Variants in CCDC12 observed in about 807,000 individuals in gnomAD.
CCDC12 encodes coiled-coil domain containing 12, also known as coiled-coil domain-containing protein 12.
CCDC12 carries 28 observed loss-of-function variants against 25.7 expected under a neutral mutation model. That is an observed-to-expected ratio of 1.09 (90% CI 0.81 to 1.50). The LOEUF is 1.50. CCDC12 is among the 40% of genes most tolerant of loss of function. The pLI is 0.00. For synonymous variants in CCDC12, 75 were observed against 87.7 expected (o/e 0.86, Z 0.81); for missense variants, 198 against 210.0 (o/e 0.94, Z 0.35).
chr3:46,968,955 C>T (rs535910303), intron 1 of CCDC12, among the ~76,000 whole-genome samples: 14 of 152,336 alleles, frequency 9.2e-5, no homozygotes, highest in African/African-American at 3.4e-4. Flanking sequence ...ACAACTGCCA[C>T]GCAAATGTTA....
At chr3:46,963,443 CTCCCTCTCCCTCTCCCACGGTT>C (rs1477269937) in intron 1 of CCDC12, among the ~76,000 whole-genome samples, 3 of 17,058 alleles carry the variant, frequency 1.8e-4, no homozygotes, top group Non-Finnish European at 4.9e-4. Context: ...TCCTCACGGT[CTCCCTCTCCCTCTCCCACGGTT>C]TCCCTCTCCC....
intron 1 of CCDC12, among the ~76,000 whole-genome samples, chr3:46,968,158 C>T (rs1440887489): frequency 6.6e-6 from 1 of 152,194 alleles, no homozygotes; most frequent in Admixed American, 6.5e-5. Context: ...GCCTCCACAA[C>T]CTTGGAGTCT....
At chr3:46,927,965 T>C (rs1273983751) in intron 2 of CCDC12, among the ~76,000 whole-genome samples, 6 of 152,190 alleles carry the variant, frequency 3.9e-5, no homozygotes, top group Non-Finnish European at 8.8e-5. Context: ...GGGGTTCAGC[T>C]TGGGGACCTG....
At chr3:46,922,490 C>T in intron 5 of CCDC12, 178 bp from the exon 6 acceptor site, 1 of 650,218 alleles carries the variant, frequency 1.5e-6, no homozygotes, top group Non-Finnish European at 2.7e-6. Context: ...CAGCATAAAC[C>T]ATCATTCCCT....
At chr3:46,978,962 G>T (rs1196962163), upstream of CCDC12, among the ~76,000 whole-genome samples, 2 of 152,142 alleles carry the variant, frequency 1.3e-5, no homozygotes. Context: ...CAGCCTGGGC[G>T]ACAGAGTGAG....
At chr3:46,926,132 G>A (rs1478030592) in intron 2 of CCDC12, among the ~76,000 whole-genome samples, 1 of 152,232 alleles carries the variant, frequency 6.6e-6, no homozygotes, top group Non-Finnish European at 1.5e-5. Context: ...GCAGTGAGGA[G>A]TGACATGTGG....
intron 1 of CCDC12, among the ~76,000 whole-genome samples, chr3:46,970,408 T>G (rs1380322016): frequency 6.6e-6 from 1 of 152,184 alleles, no homozygotes; most frequent in African/African-American, 2.4e-5. Flanking sequence ...ATAACAGGCA[T>G]GAGCCACTGT....
chr3:46,922,323 G>A lies in CCDC12; in HGVS notation c.342-11C>T, dbSNP rs1001983735. The A allele has an allele frequency of 6.2e-7, 1 of 1,614,202 alleles. No homozygotes were observed. The highest frequency in any genetic ancestry group is 8.5e-7 in the Non-Finnish European group (1 of 1,179,998). On this transcript the variant is annotated splice_polypyrimidine_tract_variant and intron_variant, in intron 5 of 6. Coordinates refer to ENST00000683445, the MANE Select transcript of CCDC12 (RefSeq NM_001277074.2). ...TCTCTCTTGAGGTCCCTGGAGCAGGGAGGCAGGGAGAAGCAGGAAGGTGAA... is the reference window on the plus strand; with the variant it reads ...TCTCTCTTGAGGTCCCTGGAGCAGGAAGGCAGGGAGAAGCAGGAAGGTGAA...
rs2032912260 is a variant in CCDC12 at position 46,925,511 on chromosome 3, G to A, written c.189C>T (p.Val63=). Residue 63 remains valine, a synonymous_variant, in exon 3 of 7, where the codon GTC becomes GTT. Coordinates refer to ENST00000683445, the MANE Select transcript of CCDC12 (RefSeq NM_001277074.2). ...KHRELRLRNY[V]PEDEDLKKRR... is the part of the protein sequence containing the mutation. ...TCTTCTTCAGGTCCTCATCCTCCGG[G>A]ACATAGTTCCGCAGCCTAAGTTCCC... 6.3e-7 allele frequency: 1 copy of A among 1,595,758 alleles called. No individual in the cohort carries two copies. Among genetic ancestry groups the A allele is most frequent in the South Asian group, 1.1e-5 (1 of 89,636 alleles).
intron 2 of CCDC12, among the ~76,000 whole-genome samples, chr3:46,927,041 C>T (rs1239773827): frequency 6.6e-6 from 1 of 152,204 alleles, no homozygotes; most frequent in Non-Finnish European, 1.5e-5. Context: ...TTTAAGGGCT[C>T]CACCTGCTTC....
At chr3:46,970,865 C>T (rs932271831) in intron 1 of CCDC12, among the ~76,000 whole-genome samples, 2 of 152,188 alleles carry the variant, frequency 1.3e-5, no homozygotes, top group Admixed American at 6.5e-5. Context: ...AACTGTTCAC[C>T]TACTCACCCA....
chr3:46,937,166 G>A (rs2033479756), intron 2 of CCDC12, among the ~76,000 whole-genome samples: 1 of 152,162 alleles, frequency 6.6e-6, no homozygotes, highest in Admixed American at 6.5e-5. Flanking sequence ...GGGGCCCCCA[G>A]GGACACTGTG....
At chr3:46,968,828 C>G (rs1426819794) in intron 1 of CCDC12, among the ~76,000 whole-genome samples, 1 of 152,202 alleles carries the variant, frequency 6.6e-6, no homozygotes, top group African/African-American at 2.4e-5. Context: ...TCAGCAACAA[C>G]TCAAAGCACG....
At chr3:46,950,042 G>C (rs970051982) in intron 1 of CCDC12, among the ~76,000 whole-genome samples, 1 of 139,976 alleles carries the variant, frequency 7.1e-6, no homozygotes, top group African/African-American at 2.6e-5. Context: ...AAAAAAAAAA[G>C]AAAAGAAAAA....
chr3:46,930,178 A>G (rs1399757939), intron 2 of CCDC12, among the ~76,000 whole-genome samples: 2 of 152,022 alleles, frequency 1.3e-5, no homozygotes, highest in Non-Finnish European at 2.9e-5. Flanking sequence ...TCCAGCTCTG[A>G]GTGATTTTTA....
chr3:46,951,798 A>AATATATATAT (rs1553649460), intron 1 of CCDC12, among the ~76,000 whole-genome samples: 53 of 8,426 alleles, frequency 6.3e-3, no homozygotes, highest in East Asian at 0.056. Context: ...AAAAAAAAAA[A>AATATATATAT]ATATATATAT....
intron 1 of CCDC12, among the ~76,000 whole-genome samples, chr3:46,975,262 T>G (rs1376424515): frequency 6.6e-6 from 1 of 151,856 alleles, no homozygotes; most frequent in Non-Finnish European, 1.5e-5. Flanking sequence ...CTCGGCTCAC[T>G]GCAACCTTTG....
chr3:46,963,230 C>A (rs1005114741), intron 1 of CCDC12, among the ~76,000 whole-genome samples: 1 of 152,166 alleles, frequency 6.6e-6, no homozygotes, highest in Non-Finnish European at 1.5e-5. Context: ...TGACTGATGA[C>A]ATGGGCATGT....
In CCDC12 at chr3:46,932,058, G is replaced by T. The variant is rs182227291; in HGVS notation, c.165-6523C>A. On this transcript the variant is annotated intron_variant, in intron 2 of 6. Transcript: ENST00000683445. ...ACTCGACAGAAGCATGAAAATGAGGGGAGAGGCAACTACCCCAAATGAGGT... is the reference window on the plus strand; with the variant it reads ...ACTCGACAGAAGCATGAAAATGAGGTGAGAGGCAACTACCCCAAATGAGGT... 2.9e-3 allele frequency among the ~76,000 whole-genome samples: 446 copies of T among 152,202 alleles called. 1 individual carries two copies. The highest frequency in any genetic ancestry group is 4.3e-3 in the Non-Finnish European group (295 of 68,004).
Sources: gnomAD v4.1 joint callset for allele counts (sites outside exome capture counted in the v4.1 genomes callset) on GRCh38, gnomAD v4.1.1 for gene constraint, MANE v1.5 for transcripts, NCBI Gene and HGNC (gene_info 2026-07-23, HGNC 2026-07-21) for gene names.